Variants in JADE2 observed in about 807,000 individuals in gnomAD.
JADE2 encodes the protein E3 ubiquitin-protein ligase Jade-2.
A neutral mutation model predicts 85.7 loss-of-function variants in JADE2; 13 were observed. That is an observed-to-expected ratio of 0.15 (90% confidence interval 0.10 to 0.24). The LOEUF is 0.24. Among genes scored for constraint, JADE2 ranks in the 10% least tolerant of loss-of-function variants. JADE2 has a pLI of 1.00. For synonymous variants in JADE2, 440 were observed against 456.1 expected (o/e 0.96, Z 0.45); for missense variants, 846 against 1,115.9 (o/e 0.76, Z 3.45).
intron 3 of JADE2, among the ~76,000 whole-genome samples, chr5:134,540,396 T>G (rs987861897): frequency 1.3e-5 from 2 of 151,506 alleles, no homozygotes; most frequent in African/African-American, 2.4e-5. Context: ...TTTTTTTTTT[T>G]GTCTTTTTTT....
chr5:134,562,220 G>C lies in JADE2; in HGVS notation c.705G>C (p.Lys235Asn). 6.2e-7 allele frequency: 1 copy of C among 1,612,880 alleles called. No individual in the cohort carries two copies. Among genetic ancestry groups the C allele is most frequent in the Non-Finnish European group, 8.5e-7 (1 of 1,179,380 alleles). Residue 235 changes from lysine to asparagine, a missense_variant, in exon 7 of 12, where the codon AAG (lysine) becomes AAC (asparagine). Around this residue, in one of 9 missense-constraint regions of JADE2, gnomAD observed 129 missense variants for 255.4 expected, o/e 0.51. Transcript: ENST00000681547. This position sits in a 1 kb window ranked among gnomAD's most constrained non-coding sequence, Gnocchi z 4.6. ...CVHQACYGILKVPTGSWLCRT... is the reference protein window; with the variant it reads ...CVHQACYGILNVPTGSWLCRT... ...CCTAGGCATGCTACGGGATCCTCAA[G>C]GTGCCCACGGGCAGCTGGCTGTGCC...
At chr5:134,535,224 G>A (rs536578057) in intron 1 of JADE2, among the ~76,000 whole-genome samples, 23 of 152,300 alleles carry the variant, frequency 1.5e-4, no homozygotes, top group African/African-American at 4.3e-4. Flanking sequence ...ACGTTTATCT[G>A]GGAAGGATGG....
intron 3 of JADE2, among the ~76,000 whole-genome samples, chr5:134,538,824 G>A (rs958760257): frequency 7.9e-5 from 12 of 151,444 alleles, no homozygotes; most frequent in African/African-American, 2.9e-4. Flanking sequence ...GCAGAAGCTT[G>A]GAGAGATGGA....
Position 134,562,093 on chromosome 5 carries a change from G to A in JADE2, c.685-107G>A, listed in dbSNP as rs1763357571. The A allele has an allele frequency of 9.2e-7, 1 of 1,087,106 alleles. No homozygotes were observed. Among genetic ancestry groups the A allele is most frequent in the Non-Finnish European group, 1.3e-6 (1 of 757,994 alleles). The allele number at this position is 1,087,106 out of a possible 1,614,324, so 67.3% of individuals were successfully genotyped here. A position where few individuals can be genotyped will look rare whatever the true frequency, so the allele number is the denominator to read the frequency against. On this transcript the variant is annotated intron_variant, in intron 6 of 11. Transcript: ENST00000681547. The surrounding 1 kb of genome is among the most constrained non-coding windows in gnomAD (Gnocchi z 4.6). The stretch of plus-strand genomic sequence containing the variant: ...TTGTACGTGCCAGAGATGGGAGGCT[G>A]TGTAGCAGTGTAGCATGGGGCTGGC...
chr5:134,571,424 C>T (rs530628791), intron 9 of JADE2, among the ~76,000 whole-genome samples: 14 of 152,318 alleles, frequency 9.2e-5, no homozygotes, highest in South Asian at 8.3e-4. Flanking sequence ...CTGGGCCGGG[C>T]GCGGTGGCTC....
intron 4 of JADE2, 116 bp from the exon 5 acceptor site, chr5:134,559,714 G>T: frequency 1.0e-6 from 1 of 979,872 alleles, no homozygotes. Context: ...GGCCCTGTGT[G>T]GTGTCAAAGC....
intron 4 of JADE2, among the ~76,000 whole-genome samples, chr5:134,556,962 A>G (rs1365291269): frequency 7.3e-6 from 1 of 137,058 alleles, no homozygotes; most frequent in Non-Finnish European, 1.6e-5. Context: ...CCACACACAC[A>G]CCTCACACAT....
chr5:134,572,323 A>T (rs1438705252), intron 9 of JADE2, among the ~76,000 whole-genome samples: 1 of 152,228 alleles, frequency 6.6e-6, no homozygotes. Flanking sequence ...CGGAGAGTCC[A>T]TGCAGAGCAC....
chr5:134,565,904 T>G (rs1463943810), intron 8 of JADE2, among the ~76,000 whole-genome samples: 3 of 151,314 alleles, frequency 2.0e-5, no homozygotes, highest in Non-Finnish European at 4.4e-5. Context: ...GCATGTGGTG[T>G]TGAATGGGTT....
At chr5:134,548,595 C>T (rs1762431100) in intron 3 of JADE2, among the ~76,000 whole-genome samples, 1 of 152,244 alleles carries the variant, frequency 6.6e-6, no homozygotes, top group Non-Finnish European at 1.5e-5. Flanking sequence ...CTGCTCCCTG[C>T]ATGACCCAGG....
chr5:134,573,617 A>C (rs751828530), intron 9 of JADE2, 28 bp from the exon 10 acceptor site: 1 of 1,548,136 alleles, frequency 6.5e-7, no homozygotes, highest in East Asian at 2.2e-5. Flanking sequence ...CCTGTGAGTA[A>C]GGTGGAAAAT....
intron 5 of JADE2, 99 bp downstream of exon 5, chr5:134,560,089 G>A: frequency 7.3e-7 from 1 of 1,366,558 alleles, no homozygotes; most frequent in South Asian, 1.2e-5. Context: ...CTATGGTATG[G>A]CATGGATCTG....
intron 3 of JADE2, among the ~76,000 whole-genome samples, chr5:134,546,862 T>A (rs1762325386): frequency 6.6e-6 from 1 of 152,192 alleles, no homozygotes; most frequent in South Asian, 2.1e-4. Context: ...CTAAATTTCC[T>A]CTTGGTGCCT....
chr5:134,570,190 A>G (rs1432122344), intron 9 of JADE2, among the ~76,000 whole-genome samples: 1 of 151,940 alleles, frequency 6.6e-6, no homozygotes, highest in Non-Finnish European at 1.5e-5. Flanking sequence ...CCTGCCGCAC[A>G]CCCCACCTCA....
chr5:134,578,774 A>G lies in JADE2; in HGVS notation c.1962A>G (p.Pro654=). 6.2e-7 allele frequency: 1 copy of G among 1,613,420 alleles called. No individual in the cohort carries two copies. Among genetic ancestry groups the G allele is most frequent in the Middle Eastern group, 1.7e-4 (1 of 6,060 alleles). ...LPAKKKPPPP[P]PQDGPGSRTT... The stretch of plus-strand genomic sequence containing the variant: ...CCAAGAAGAAACCACCACCACCACC[A>G]CCGCAGGACGGGCCTGGTTCACGGA... Residue 654 remains proline (P), a synonymous_variant, in exon 12 of 12, where the codon CCA becomes CCG. Coordinates refer to ENST00000681547, the MANE Select transcript of JADE2 (RefSeq NM_001388185.1). The surrounding 1 kb of genome is among the most constrained non-coding windows in gnomAD (Gnocchi z 4.4).
At chr5:134,534,199 A>G (rs1713152838) in intron 1 of JADE2, among the ~76,000 whole-genome samples, 1 of 152,158 alleles carries the variant, frequency 6.6e-6, no homozygotes, top group Non-Finnish European at 1.5e-5. Flanking sequence ...TCTGAGCTTC[A>G]GTTTCCTCCT....
upstream of JADE2, chr5:134,524,378 CTCT>C (rs1760685173): frequency 6.6e-6 from 1 of 152,468 alleles, no homozygotes; most frequent in Non-Finnish European, 1.5e-5. Context: ...CGAGCGCAGG[CTCT>C]TCTTCCAGAA....
chr5:134,570,867 G>C (rs1763958737), intron 9 of JADE2, among the ~76,000 whole-genome samples: 1 of 152,184 alleles, frequency 6.6e-6, no homozygotes, highest in African/African-American at 2.4e-5. Flanking sequence ...CCACGTGGGG[G>C]TGCTGGCTGC....
At chr5:134,545,193 TAGGCTA>T (rs1430438817) in intron 3 of JADE2, among the ~76,000 whole-genome samples, 2 of 152,320 alleles carry the variant, frequency 1.3e-5, no homozygotes, top group South Asian at 2.1e-4. Context: ...GCCCTTCCGC[TAGGCTA>T]AGTGCCTGCT....
Sources: allele counts gnomAD v4.1 joint callset (sites outside exome capture counted in the v4.1 genomes callset), GRCh38; gene constraint gnomAD v4.1.1; regional missense constraint gnomAD v4.1.1; non-coding constraint Gnocchi (gnomAD v3.1); transcripts MANE v1.5; gene names NCBI Gene and HGNC (gene_info 2026-07-23, HGNC 2026-07-21).